Variants in SND1 observed in about 807,000 individuals in gnomAD.
SND1 encodes the protein staphylococcal nuclease domain-containing protein 1.
A neutral mutation model predicts 121.7 loss-of-function variants in SND1; 38 were observed. That is an observed-to-expected ratio of 0.31 (90% CI 0.24 to 0.41). SND1 has a LOEUF of 0.41. Ranked by LOEUF, SND1 falls within the 10% of genes least tolerant of loss-of-function variation. The pLI is 1.00. For missense variants in SND1, 868 were observed against 1,184.6 expected (o/e 0.73, Z 3.92); for synonymous variants, 401 against 447.4 (o/e 0.90, Z 1.31).
intron 15 of SND1, among the ~76,000 whole-genome samples, chr7:127,969,641 T>C (rs1462359562): frequency 3.3e-5 from 5 of 152,138 alleles, no homozygotes; most frequent in African/African-American, 1.2e-4. Context: ...GGCAGGAGAA[T>C]AGTGTGAACC....
intron 16 of SND1, among the ~76,000 whole-genome samples, chr7:128,039,219 C>G (rs1792806749): frequency 6.6e-6 from 1 of 152,216 alleles, no homozygotes; most frequent in South Asian, 2.1e-4. Flanking sequence ...TTATATCACT[C>G]AGCTTTATTT....
chr7:128,057,636 A>G (rs896588013), intron 16 of SND1, among the ~76,000 whole-genome samples: 1 of 152,272 alleles, frequency 6.6e-6, no homozygotes, highest in South Asian at 2.1e-4. Flanking sequence ...AAGATAGCAA[A>G]TGCTTTCCTA....
intron 15 of SND1, among the ~76,000 whole-genome samples, chr7:127,979,399 TTCCCTA>T (rs1306678401): frequency 6.6e-6 from 1 of 152,218 alleles, no homozygotes; most frequent in Non-Finnish European, 1.5e-5. Context: ...GCTGTGTCGT[TTCCCTA>T]TCGGCTAGGG....
intron 16 of SND1, chr7:128,031,095 T>G (rs978515967): frequency 6.5e-6 from 1 of 152,794 alleles, no homozygotes; most frequent in Non-Finnish European, 1.5e-5. Context: ...CAAAATGGCC[T>G]CTAGTAAATC....
intron 12 of SND1, among the ~76,000 whole-genome samples, chr7:127,866,074 T>G (rs1799469307): frequency 6.6e-6 from 1 of 152,204 alleles, no homozygotes; most frequent in African/African-American, 2.4e-5. Flanking sequence ...AAATACAACC[T>G]AAGCAGTGGG....
At chr7:127,694,979 C>T in intron 3 of SND1, 31 bp downstream of exon 3, 1 of 1,602,236 alleles carries the variant, frequency 6.2e-7, no homozygotes, top group Non-Finnish European at 8.5e-7. Flanking sequence ...TCATTTCTCT[C>T]AAGTCTAAAG....
chr7:127,812,966 A>T (rs1373108087), intron 11 of SND1, among the ~76,000 whole-genome samples: 1 of 152,190 alleles, frequency 6.6e-6, no homozygotes, highest in Non-Finnish European at 1.5e-5. Context: ...TGATTCATTC[A>T]TGCTATGGAA....
chr7:127,973,398 C>T (rs1370174280), intron 15 of SND1, among the ~76,000 whole-genome samples: 1 of 152,110 alleles, frequency 6.6e-6, no homozygotes, highest in African/African-American at 2.4e-5. Flanking sequence ...CAGCTAAGAA[C>T]AGACCATTGT....
At chr7:127,796,664 C>T (rs1015839770) in intron 10 of SND1, among the ~76,000 whole-genome samples, 1 of 152,136 alleles carries the variant, frequency 6.6e-6, no homozygotes, top group Non-Finnish European at 1.5e-5. Flanking sequence ...ATGTTAGATG[C>T]TGTAAAACTT....
intron 15 of SND1, among the ~76,000 whole-genome samples, chr7:127,986,592 CTTTTGTTTTG>C (rs763124838): frequency 1.2e-4 from 18 of 152,252 alleles, no homozygotes; most frequent in South Asian, 8.3e-4. Context: ...ATTTTATTTC[CTTTTGTTTTG>C]TTTTGTTTTG....
rs774063671 is a variant in SND1, at chr7:128,015,021, G to C, written c.1779+23965G>C. On this transcript the variant is annotated intron_variant, in intron 16 of 23. Transcript: ENST00000354725. This position sits in a 1 kb window ranked among gnomAD's most constrained non-coding sequence, Gnocchi z 4.5. ...TTATTCGTGCTCTGCCTACTTGGCT[G>C]GCTGTTCTTGCACTTGAGCGGCTTG... 6.6e-6 allele frequency among the ~76,000 whole-genome samples: 1 copy of C among 152,218 alleles called. No individual in the cohort carries two copies. The highest frequency in any genetic ancestry group is 2.4e-5 in the African/African-American group (1 of 41,456).
intron 1 of SND1, among the ~76,000 whole-genome samples, chr7:127,681,438 A>AT (rs1051056000): frequency 2.0e-5 from 3 of 151,996 alleles, no homozygotes; most frequent in Non-Finnish European, 4.4e-5. Flanking sequence ...ATATACTCAT[A>AT]TTTTTTTCTT....
At chr7:127,968,166 G>A (rs1801898917) in intron 15 of SND1, among the ~76,000 whole-genome samples, 1 of 152,178 alleles carries the variant, frequency 6.6e-6, no homozygotes. Context: ...CTCTTTAGAT[G>A]TCAGAACAAT....
chr7:128,004,441 G>A (rs1170705092), intron 16 of SND1, among the ~76,000 whole-genome samples: 1 of 151,834 alleles, frequency 6.6e-6, no homozygotes, highest in Non-Finnish European at 1.5e-5. Flanking sequence ...TGCCCAGTTG[G>A]TAGAATAGGA....
At chr7:127,832,912 G>A (rs1276050085) in intron 11 of SND1, among the ~76,000 whole-genome samples, 1 of 152,186 alleles carries the variant, frequency 6.6e-6, no homozygotes, top group Non-Finnish European at 1.5e-5. Flanking sequence ...AGGGATCTAG[G>A]TCTCATGCTC....
In SND1 at chr7:127,721,291, T is replaced by C; in HGVS notation, c.1043T>C (p.Met348Thr). The change falls in exon 10 of 24, where the codon ATG becomes ACG. Residue 348 changes from methionine to threonine, a missense_variant. Met to Thr is a moderately conservative substitution (Grantham distance 81). Around this residue, in one of 2 missense-constraint regions of SND1, gnomAD observed 743 missense variants for 1,071.3 expected, o/e 0.69. Coordinates refer to ENST00000354725, the MANE Select transcript of SND1 (RefSeq NM_014390.4). ...CATGTTCCTTTTTGCTCACAGGTGA[T>C]GCAGGTTCTGAATGCTGATGCCATT... ...QKDKQFVAKV[M>T]QVLNADAIVV... The C allele has an allele frequency of 1.2e-6, 2 of 1,612,714 alleles. No homozygotes were observed. Among genetic ancestry groups the C allele is most frequent in the Non-Finnish European group, 1.7e-6 (2 of 1,178,898 alleles).
chr7:127,803,467 T>TA (rs1798173137), intron 10 of SND1, among the ~76,000 whole-genome samples: 1 of 152,212 alleles, frequency 6.6e-6, no homozygotes, highest in East Asian at 1.9e-4. Flanking sequence ...TTGTTACTAT[T>TA]AAAAAATTTT....
At chr7:127,920,986 C>A (rs1224051708) in intron 14 of SND1, among the ~76,000 whole-genome samples, 3 of 152,058 alleles carry the variant, frequency 2.0e-5, no homozygotes, top group Non-Finnish European at 1.5e-5. Flanking sequence ...GAATGGTTCT[C>A]ACAGCATAAT....
At chr7:127,916,226 G>A (rs972349151) in intron 14 of SND1, among the ~76,000 whole-genome samples, 11 of 152,030 alleles carry the variant, frequency 7.2e-5, no homozygotes, top group South Asian at 2.1e-4. Flanking sequence ...CAATGGAGGC[G>A]GAAAGATAAA....
Sources: gnomAD v4.1 joint callset for allele counts (sites outside exome capture counted in the v4.1 genomes callset) on GRCh38, gnomAD v4.1.1 for gene constraint, gnomAD v4.1.1 regional missense constraint, Gnocchi (gnomAD v3.1) non-coding constraint, MANE v1.5 for transcripts, NCBI Gene and HGNC (gene_info 2026-07-23, HGNC 2026-07-21) for gene names.